The following CTBP2 variants were observed in gnomAD, a reference collection of about 807,000 sequenced individuals.
The protein encoded by CTBP2 is C-terminal binding protein 2.
A neutral mutation model predicts 80.3 loss-of-function variants in CTBP2; 30 were observed. The observed-to-expected ratio is 0.37, with a 90% CI of 0.28 to 0.51. The LOEUF (loss-of-function observed/expected upper bound fraction) is 0.51, where lower values mean the gene tolerates loss of function less well. Among genes scored for constraint, CTBP2 ranks in the 20% least tolerant of loss-of-function variants. CTBP2 has a pLI of 0.93. For missense variants in CTBP2, 1,212 were observed against 1,375.3 expected (o/e 0.88, Z 1.88); for synonymous variants, 594 against 587.4 (o/e 1.01, Z -0.16).
intron 3 of CTBP2, among the ~76,000 whole-genome samples, chr10:125,038,352 A>G (rs1054978767): frequency 4.6e-5 from 7 of 152,060 alleles, no homozygotes; most frequent in Admixed American, 2.0e-4. Context: ...AGCAAAGAGC[A>G]GCCCTGTAGC....
At chr10:124,998,441 T>G in intron 3 of CTBP2, 3 of 489,686 alleles carry the variant, frequency 6.1e-6, no homozygotes, top group Middle Eastern at 5.7e-4. Flanking sequence ...TATGGCTGAT[T>G]TTGGGCCTGA....
intron 1 of CTBP2, among the ~76,000 whole-genome samples, chr10:125,137,275 G>A (rs532328993): frequency 4.3e-4 from 66 of 152,300 alleles, no homozygotes; most frequent in African/African-American, 1.5e-3. Flanking sequence ...TCCCTTCTGG[G>A]GGCAGCGGCT....
intron 1 of CTBP2, among the ~76,000 whole-genome samples, chr10:125,155,835 G>A (rs528474220): frequency 6.6e-6 from 1 of 152,080 alleles, no homozygotes; most frequent in African/African-American, 2.4e-5. Context: ...TTGCAGCAGC[G>A]TAAATTAAGA....
intron 2 of CTBP2, among the ~76,000 whole-genome samples, chr10:125,102,348 C>T (rs994257207): frequency 6.6e-6 from 1 of 152,234 alleles, no homozygotes; most frequent in Non-Finnish European, 1.5e-5. Flanking sequence ...GTGCCAGAGC[C>T]GCTGGGGCTC....
chr10:125,005,692 A>C (rs1210543722), intron 1 of CTBP2: 2 of 1,612,930 alleles, frequency 1.2e-6, no homozygotes, highest in South Asian at 1.1e-5. Flanking sequence ...GTTTTCTGCT[A>C]AGAAAATGGT....
intron 8 of CTBP2, among the ~76,000 whole-genome samples, chr10:124,992,238 G>A (rs919956883): frequency 3.4e-5 from 5 of 146,842 alleles, no homozygotes. Flanking sequence ...TGGTGGTGGG[G>A]TGGGGTCGGG....
chr10:125,138,361 A>G (rs1236484742), intron 1 of CTBP2: 2 of 152,080 alleles, frequency 1.3e-5, no homozygotes, highest in Non-Finnish European at 2.9e-5. Context: ...TCCTGTCCCC[A>G]CCACGCTGAC....
chr10:125,045,489 C>CCATG (rs2135103177), intron 2 of CTBP2, among the ~76,000 whole-genome samples: 1 of 151,856 alleles, frequency 6.6e-6, no homozygotes, highest in East Asian at 2.0e-4. Flanking sequence ...GGCCCCCATA[C>CCATG]CATGCCCTAA....
chr10:125,092,027 GT>G (rs539990608), intron 2 of CTBP2, among the ~76,000 whole-genome samples: 3 of 152,122 alleles, frequency 2.0e-5, no homozygotes, highest in South Asian at 2.1e-4. Context: ...AGAATTAGCT[GT>G]TTTCCCACTG....
chr10:125,050,830 G>A (rs1962551107), intron 2 of CTBP2, among the ~76,000 whole-genome samples: 1 of 152,192 alleles, frequency 6.6e-6, no homozygotes, highest in Non-Finnish European at 1.5e-5. Flanking sequence ...AGGTTGCTGG[G>A]GAGGAGTAGA....
At chr10:125,010,831 C>T (rs868739133) in intron 1 of CTBP2, among the ~76,000 whole-genome samples, 8 of 152,096 alleles carry the variant, frequency 5.3e-5, no homozygotes, top group Non-Finnish European at 8.8e-5. Context: ...GTGCCATCAC[C>T]GTGTACATCC....
chr10:125,056,540 A>G (rs539287757), intron 2 of CTBP2, among the ~76,000 whole-genome samples: 1 of 152,338 alleles, frequency 6.6e-6, no homozygotes, highest in East Asian at 1.9e-4. Flanking sequence ...GTAAGATAAC[A>G]TCACAACACA....
chr10:124,994,487 A>G lies in CTBP2; in HGVS notation c.2382T>C (p.Asn794=). The G allele has an allele frequency of 6.2e-7, 1 of 1,613,944 alleles. No homozygotes were observed. Among genetic ancestry groups the G allele is most frequent in the Non-Finnish European group, 8.5e-7 (1 of 1,179,848 alleles). Residue 794 remains asparagine, a synonymous_variant, in exon 5 of 9, where the codon AAT becomes AAC. Coordinates refer to ENST00000309035, the MANE Select transcript of CTBP2 (RefSeq NM_022802.3). ...AAATTACCTGCTTTATGGTAAAGTC[A>G]TTGATGAGGTGGTGGTTATGTTCGT...
chr10:125,131,475 G>T (rs1317873091), intron 1 of CTBP2, among the ~76,000 whole-genome samples: 1 of 152,190 alleles, frequency 6.6e-6, no homozygotes, highest in Non-Finnish European at 1.5e-5. Flanking sequence ...GAGCAAGAAT[G>T]AGTGAAGTGA....
chr10:124,989,152 AT>A lies in CTBP2; in HGVS notation c.*365del, dbSNP rs2134043083. The A allele has an allele frequency of 4.7e-6, 1 of 213,166 alleles. No homozygotes were observed. The highest frequency in any genetic ancestry group is 5.4e-5 in the Admixed American group (1 of 18,368). 13.2% of individuals were successfully genotyped at this position (213,166 alleles called of 1,614,324 possible). ...TGGGGATTTCCTCTTAATATTTTTT[AT>A]TTTGTTGTTTGAACTCTTGATGCAA... On this transcript the variant is annotated 3_prime_UTR_variant, in exon 9 of 9. Coordinates refer to ENST00000309035, the MANE Select transcript of CTBP2 (RefSeq NM_022802.3).
intron 1 of CTBP2, among the ~76,000 whole-genome samples, chr10:125,149,538 A>G (rs913164697): frequency 6.6e-6 from 1 of 152,228 alleles, no homozygotes; most frequent in Non-Finnish European, 1.5e-5. Flanking sequence ...AGCAGAATCC[A>G]AAGGCCAAGA....
At chr10:125,162,095 G>A (rs1389659383), upstream of CTBP2, among the ~76,000 whole-genome samples, 1 of 152,250 alleles carries the variant, frequency 6.6e-6, no homozygotes, top group Non-Finnish European at 1.5e-5. Context: ...AGTTCGGCGT[G>A]CGTCCTCCAA....
chr10:125,078,252 C>G (rs1044461724), intron 2 of CTBP2, among the ~76,000 whole-genome samples: 36 of 145,964 alleles, frequency 2.5e-4, no homozygotes, highest in African/African-American at 9.3e-4. Flanking sequence ...TGCACTCCAG[C>G]CTGGGCGACA....
intron 2 of CTBP2, among the ~76,000 whole-genome samples, chr10:125,076,383 C>T (rs556235522): frequency 8.5e-5 from 13 of 152,306 alleles, no homozygotes; most frequent in Admixed American, 2.6e-4. Flanking sequence ...CTGGCCCCTA[C>T]ACACCATGGG....
Sources: gnomAD v4.1 joint callset for allele counts (sites outside exome capture counted in the v4.1 genomes callset) on GRCh38, gnomAD v4.1.1 for gene constraint, MANE v1.5 for transcripts, NCBI Gene and HGNC (gene_info 2026-07-23, HGNC 2026-07-21) for gene names.